CAMK1D: variants seen among roughly 807,000 people sequenced by gnomAD.
CAMK1D encodes the protein calcium/calmodulin dependent protein kinase ID, also known as calcium/calmodulin-dependent protein kinase type 1D.
CAMK1D carries 9 observed loss-of-function variants against 47.7 expected under a neutral mutation model. That is an observed-to-expected ratio of 0.19 (90% CI 0.11 to 0.33). CAMK1D has a LOEUF of 0.33. Among genes scored for constraint, CAMK1D ranks in the 10% least tolerant of loss-of-function variants. The probability of loss-of-function intolerance (pLI) is 1.00; values close to 1 mark genes in which losing one functional copy is unlikely to be tolerated. For synonymous variants in CAMK1D, 184 were observed against 184.9 expected (o/e 0.99, Z 0.04); for missense variants, 291 against 488.7 (o/e 0.60, Z 3.81).
intron 2 of CAMK1D, among the ~76,000 whole-genome samples, chr10:12,587,521 T>C (rs1588663831): frequency 6.7e-6 from 1 of 148,378 alleles, no homozygotes; most frequent in Admixed American, 6.9e-5. Context: ...TAAATCAGGC[T>C]CTCTGGGACT....
At chr10:12,521,167 G>T (rs1835404847) in intron 1 of CAMK1D, among the ~76,000 whole-genome samples, 1 of 151,926 alleles carries the variant, frequency 6.6e-6, no homozygotes, top group Admixed American at 6.6e-5. Context: ...CCAAATTTGG[G>T]TTAAATTTGC....
At chr10:12,639,568 T>A (rs1423222134) in intron 2 of CAMK1D, among the ~76,000 whole-genome samples, 1 of 152,044 alleles carries the variant, frequency 6.6e-6, no homozygotes, top group African/African-American at 2.4e-5. Context: ...TAAATTTAAT[T>A]TTTCCCCCCA....
chr10:12,617,622 C>G (rs1838863689), intron 2 of CAMK1D, among the ~76,000 whole-genome samples: 1 of 152,144 alleles, frequency 6.6e-6, no homozygotes. Flanking sequence ...CATCTGTTTT[C>G]TGGCCTTGGG....
At chr10:12,635,348 G>C (rs1839485221) in intron 2 of CAMK1D, among the ~76,000 whole-genome samples, 1 of 152,198 alleles carries the variant, frequency 6.6e-6, no homozygotes, top group African/African-American at 2.4e-5. Flanking sequence ...TTGCTTGTTT[G>C]TTTTAGTAAA....
At chr10:12,696,265 G>GCT (rs763136653) in intron 3 of CAMK1D, among the ~76,000 whole-genome samples, 8 of 152,010 alleles carry the variant, frequency 5.3e-5, no homozygotes, top group Non-Finnish European at 1.2e-4. Context: ...GGCCAGGCCT[G>GCT]GTGGCTCATG....
intron 1 of CAMK1D, among the ~76,000 whole-genome samples, chr10:12,374,258 C>CAAAAAAAAAAAAAAAA (rs56312810): frequency 9.8e-5 from 9 of 91,714 alleles, no homozygotes; most frequent in Admixed American, 1.3e-4. Context: ...GACTCTGTCT[C>CAAAAAAAAAAAAAAAA]AAAAAAAAAA....
At position 12,831,772 on chromosome 10, in the gene CAMK1D, T is replaced by G. The variant is rs142907161; in HGVS notation, c.*2885T>G. ...CACCAGGCTTGGGTTAATTTCCTAT[T>G]GCTTCAGAGAAAGAGAGGCGCTCTT... On this transcript the variant is annotated 3_prime_UTR_variant, in exon 11 of 11. Transcript: ENST00000619168. The G allele has an allele frequency of 2.0e-5, 3 of 152,232 alleles. No individual in the cohort carries two copies. Among genetic ancestry groups the G allele is most frequent in the Non-Finnish European group, 4.4e-5 (3 of 68,044 alleles). 9.4% of individuals were successfully genotyped at this position (152,232 alleles called of 1,614,324 possible).
At position 12,835,072 on chromosome 10, in the gene CAMK1D, A is replaced by G. The variant is rs187250037; in HGVS notation, c.*6185A>G. 9 of 152,352 alleles carry G rather than the reference A, an allele frequency of 5.9e-5. No individual in the cohort carries two copies. The highest frequency in any genetic ancestry group is 3.4e-3 in the Middle Eastern group (1 of 294). The allele number at this position is 152,352 out of a possible 1,614,324, so 9.4% of individuals were successfully genotyped here. ...TCTTTGCTTCGAAAGATGGGGCGCC[A>G]TGTTTCAGAGAACATTTATCTTAGT... On this transcript the variant is annotated 3_prime_UTR_variant, in exon 11 of 11. Transcript: ENST00000619168.
chr10:12,715,053 C>G (rs542059116), intron 3 of CAMK1D, among the ~76,000 whole-genome samples: 1 of 152,220 alleles, frequency 6.6e-6, no homozygotes, highest in Admixed American at 6.5e-5. Flanking sequence ...AGAACTATTC[C>G]TTCTATCGAA....
At chr10:12,636,017 C>T (rs1013638152) in intron 2 of CAMK1D, among the ~76,000 whole-genome samples, 5 of 152,146 alleles carry the variant, frequency 3.3e-5, no homozygotes, top group African/African-American at 1.2e-4. Context: ...CCAAACAGTC[C>T]TTGCAGTTTT....
At chr10:12,672,896 CTTTTTT>C (rs750447013) in intron 3 of CAMK1D, among the ~76,000 whole-genome samples, 1 of 76,516 alleles carries the variant, frequency 1.3e-5, no homozygotes, top group African/African-American at 6.3e-5. Flanking sequence ...ATAGGCTTGC[CTTTTTT>C]TTTTTTTTTT....
At chr10:12,494,858 T>G (rs1170901047) in intron 1 of CAMK1D, among the ~76,000 whole-genome samples, 1 of 152,182 alleles carries the variant, frequency 6.6e-6, no homozygotes, top group East Asian at 1.9e-4. Context: ...CGTGAACCAC[T>G]GTGCCCAGCC....
intron 1 of CAMK1D, among the ~76,000 whole-genome samples, chr10:12,523,284 C>T (rs1283026357): frequency 1.3e-5 from 2 of 151,330 alleles, no homozygotes; most frequent in South Asian, 4.2e-4. Context: ...CAGAGGGGCT[C>T]CTCACTTCTC....
chr10:12,350,416 C>T (rs536573312), intron 1 of CAMK1D, among the ~76,000 whole-genome samples: 1 of 152,344 alleles, frequency 6.6e-6, no homozygotes, highest in Admixed American at 6.5e-5. Context: ...CTTTGGGTGG[C>T]CACGCGAGGA....
intron 3 of CAMK1D, among the ~76,000 whole-genome samples, chr10:12,670,501 A>G (rs1316354076): frequency 1.3e-5 from 2 of 151,780 alleles, no homozygotes; most frequent in Non-Finnish European, 2.9e-5. Flanking sequence ...AAAAAAATTC[A>G]TGGAAATCTG....
intron 1 of CAMK1D, among the ~76,000 whole-genome samples, chr10:12,360,279 G>T (rs895476503): frequency 4.6e-5 from 7 of 152,170 alleles, no homozygotes; most frequent in African/African-American, 1.7e-4. Flanking sequence ...GACAGTTTCT[G>T]ATGTTCAAGT....
chr10:12,488,797 T>A (rs1588545402), intron 1 of CAMK1D, among the ~76,000 whole-genome samples: 1 of 152,198 alleles, frequency 6.6e-6, no homozygotes, highest in East Asian at 1.9e-4. Context: ...GGGTTCATAC[T>A]CCCGTGAGAA....
At chr10:12,410,036 C>G (rs1483676019) in intron 1 of CAMK1D, among the ~76,000 whole-genome samples, 1 of 152,222 alleles carries the variant, frequency 6.6e-6, no homozygotes, top group South Asian at 2.1e-4. Flanking sequence ...CTCAGAACTT[C>G]ATTCCTTTCT....
At chr10:12,533,628 A>G (rs553598622) in intron 1 of CAMK1D, among the ~76,000 whole-genome samples, 2 of 151,742 alleles carry the variant, frequency 1.3e-5, no homozygotes, top group East Asian at 1.9e-4. Flanking sequence ...GCCTCCCTCT[A>G]CTCTTGAAAA....
Sources: allele counts gnomAD v4.1 joint callset (sites outside exome capture counted in the v4.1 genomes callset), GRCh38; gene constraint gnomAD v4.1.1; transcripts MANE v1.5; gene names NCBI Gene and HGNC (gene_info 2026-07-23, HGNC 2026-07-21).